DCHS2: variants seen among roughly 807,000 people sequenced by gnomAD.
DCHS2 encodes the protein protocadherin-23.
DCHS2 carries 142 observed loss-of-function variants against 182.4 expected under a neutral mutation model. That is an observed-to-expected ratio of 0.78 (90% CI 0.68 to 0.89). The LOEUF (loss-of-function observed/expected upper bound fraction) is 0.89, where lower values mean the gene tolerates loss of function less well. Among genes scored for constraint, DCHS2 ranks in the 40% least tolerant of loss-of-function variants. The pLI, the probability that DCHS2 is intolerant of heterozygous loss-of-function variation, is 0.00. For synonymous variants in DCHS2, 1,740 were observed against 1,663.3 expected (o/e 1.05, Z -1.12); for missense variants, 4,319 against 4,198.6 (o/e 1.03, Z -0.79).
chr4:154,315,976 T>C lies in DCHS2; in HGVS notation c.5032A>G (p.Thr1678Ala). 3 of 1,613,890 alleles carry C rather than the reference T, an allele frequency of 1.9e-6. No homozygotes were observed. The highest frequency in any genetic ancestry group is 2.7e-5 in the African/African-American group (2 of 75,052). ...ATTTCATAATCCAAAGGACAGGTTG[T>C]GGTTAGTAAGCCTGTTTTGAAAATG... ...MLDESSGLLTTTCPLDYEMKT... is the reference protein window; with the variant it reads ...MLDESSGLLTATCPLDYEMKT... Residue 1678 changes from threonine (T) to alanine (A), a missense_variant, in exon 10 of 20, where the codon ACA becomes GCA. Transcript: ENST00000357232.
chr4:154,356,105 G>C (rs975899740), intron 3 of DCHS2, among the ~76,000 whole-genome samples: 1 of 152,076 alleles, frequency 6.6e-6, no homozygotes, highest in Non-Finnish European at 1.5e-5. Flanking sequence ...TGGCTCTGAA[G>C]ACCTTCCAGC....
chr4:154,352,152 A>T (rs1729650344), intron 3 of DCHS2, among the ~76,000 whole-genome samples: 1 of 152,112 alleles, frequency 6.6e-6, no homozygotes, highest in Admixed American at 6.5e-5. Flanking sequence ...AAGGCTTATT[A>T]TTATTATCTG....
rs374018766 is a variant in DCHS2 at position 154,489,664 on chromosome 4, G to A, written c.1692C>T (p.Ser564=). Residue 564 remains serine (S), a synonymous_variant, in exon 1 of 20, where the codon TCC becomes TCT. Coordinates refer to ENST00000357232, the MANE Select transcript of DCHS2 (RefSeq NM_001358235.2). ...PGTVVMWVSA[S]DADEAGSDHA... Reference sequence around the variant, plus strand: ...GATCACTGCCTGCCTCGTCGGCATCGGAGGCGCTGACCCACATGACTACAG... The same window carrying A: ...GATCACTGCCTGCCTCGTCGGCATCAGAGGCGCTGACCCACATGACTACAG... The A allele has an allele frequency of 3.2e-5, 50 of 1,551,528 alleles. No homozygotes were observed. The highest frequency in any genetic ancestry group is 1.2e-5 in the South Asian group (1 of 84,058).
intron 19 of DCHS2, among the ~76,000 whole-genome samples, chr4:154,238,215 G>A (rs753983960): frequency 2.0e-5 from 3 of 152,052 alleles, no homozygotes; most frequent in East Asian, 1.9e-4. Flanking sequence ...TTCCTGATAC[G>A]TTTGTAATCA....
chr4:154,374,113 GTGC>G lies in DCHS2; in HGVS notation c.2244+3137_2244+3139del, dbSNP rs1456061218. On this transcript the variant is annotated intron_variant, in intron 2 of 19. Coordinates refer to ENST00000357232, the MANE Select transcript of DCHS2 (RefSeq NM_001358235.2). ...ATTCCCAATGCACTTCTGGAGCACT[GTGC>G]TTTCCAGGCTGTGGTGGTGCATTGA... The G allele has an allele frequency of 4.9e-6, 3 of 615,806 alleles. No individual in the cohort carries two copies. In the African/African-American group the frequency reaches 5.7e-5, roughly 12 times the overall value. 38.1% of individuals were successfully genotyped at this position (615,806 alleles called of 1,614,324 possible). A position where few individuals can be genotyped will look rare whatever the true frequency, so the allele number is the denominator to read the frequency against.
chr4:154,396,841 G>A lies in DCHS2; in HGVS notation c.2053-19397C>T, dbSNP rs138935627. Reference sequence around the variant, plus strand: ...CTCCCAAAACTCTTCCCAGATGCCCGCAGCTGAGGTAATCTTCCCTTCCTC... The same window carrying A: ...CTCCCAAAACTCTTCCCAGATGCCCACAGCTGAGGTAATCTTCCCTTCCTC... On this transcript the variant is annotated intron_variant, in intron 1 of 19. Coordinates refer to ENST00000357232, the MANE Select transcript of DCHS2 (RefSeq NM_001358235.2). Among the ~76,000 whole-genome samples, 10 of 152,226 alleles carry A rather than the reference G, an allele frequency of 6.6e-5. No individual in the cohort carries two copies. In the East Asian group the frequency reaches 1.5e-3, roughly 23 times the overall value.
At chr4:154,273,549 CTAAA>C (rs1733695061) in intron 13 of DCHS2, among the ~76,000 whole-genome samples, 1 of 151,910 alleles carries the variant, frequency 6.6e-6, no homozygotes, top group African/African-American at 2.4e-5. Flanking sequence ...GAAATCACCA[CTAAA>C]TAAGTTATTC....
At chr4:154,241,788 T>C (rs1731838569) in intron 17 of DCHS2, among the ~76,000 whole-genome samples, 2 of 152,154 alleles carry the variant, frequency 1.3e-5, no homozygotes, top group South Asian at 2.1e-4. Flanking sequence ...TGAAAATATA[T>C]CAAATATGCA....
At chr4:154,419,998 C>A (rs1357071307) in intron 1 of DCHS2, among the ~76,000 whole-genome samples, 2 of 151,976 alleles carry the variant, frequency 1.3e-5, no homozygotes, top group South Asian at 2.1e-4. Flanking sequence ...TAAGAACATC[C>A]TTTTTGGTAG....
chr4:154,309,974 G>T (rs1340781616), intron 10 of DCHS2, among the ~76,000 whole-genome samples: 1 of 152,164 alleles, frequency 6.6e-6, no homozygotes, highest in Non-Finnish European at 1.5e-5. Flanking sequence ...TCAAGTCATG[G>T]TTAGAAAGCT....
intron 5 of DCHS2, chr4:154,331,860 CT>C: frequency 1.3e-6 from 1 of 777,452 alleles, no homozygotes; most frequent in Non-Finnish European, 1.8e-6. Context: ...TCCCCGTAAA[CT>C]TATACAACAT....
intron 17 of DCHS2, among the ~76,000 whole-genome samples, chr4:154,242,430 T>A (rs1485126253): frequency 2.0e-5 from 3 of 152,144 alleles, no homozygotes; most frequent in African/African-American, 7.2e-5. Flanking sequence ...GGTTGGAGCA[T>A]GGGGACTTGC....
At position 154,396,693 on chromosome 4, in the gene DCHS2, T is replaced by C. The variant is rs1261263043; in HGVS notation, c.2053-19249A>G. On this transcript the variant is annotated intron_variant, in intron 1 of 19. Transcript: ENST00000357232. ...ATCCACTGTTTCACACACTCCTCACTCCAGTGTTTGCCTCATGGTGTTCTC... is the reference window on the plus strand; with the variant it reads ...ATCCACTGTTTCACACACTCCTCACCCCAGTGTTTGCCTCATGGTGTTCTC... Among the ~76,000 whole-genome samples, 10 of 152,290 alleles carry C rather than the reference T, an allele frequency of 6.6e-5. No homozygotes were observed. In the South Asian group the frequency reaches 2.1e-3, roughly 32 times the overall value.
chr4:154,432,182 T>A (rs1220154216), intron 1 of DCHS2, among the ~76,000 whole-genome samples: 1 of 152,224 alleles, frequency 6.6e-6, no homozygotes, highest in Non-Finnish European at 1.5e-5. Flanking sequence ...ATGTTAGCTA[T>A]TTTGTCTAAA....
intron 4 of DCHS2, 140 bp downstream of exon 4, chr4:154,334,728 C>A: frequency 1.5e-6 from 1 of 664,796 alleles, no homozygotes; most frequent in Non-Finnish European, 2.6e-6. Context: ...GAACAAAGAG[C>A]AAGCCACAGT....
At position 154,233,691 on chromosome 4, in the gene DCHS2, C is replaced by G. The variant is rs868301678; in HGVS notation, c.*845G>C. On this transcript the variant is annotated 3_prime_UTR_variant, in exon 20 of 20. Transcript: ENST00000357232. ...AACCTTTGAAGTTTAATGTCTTTAC[C>G]CACACCTACTTATAAGACAAGACCT... is the stretch of plus-strand genomic sequence containing the variant. The G allele has an allele frequency of 6.6e-6, 1 of 151,830 alleles. No individual in the cohort carries two copies. The allele number at this position is 151,830 out of a possible 1,614,324, so 9.4% of individuals were successfully genotyped here.
At chr4:154,319,895 T>C (rs894098877) in intron 9 of DCHS2, among the ~76,000 whole-genome samples, 5 of 152,188 alleles carry the variant, frequency 3.3e-5, no homozygotes, top group African/African-American at 9.7e-5. Context: ...CCATGTTTAC[T>C]GCAGCACCAT....
At chr4:154,245,095 A>C (rs1355988894) in intron 16 of DCHS2, among the ~76,000 whole-genome samples, 1 of 152,218 alleles carries the variant, frequency 6.6e-6, no homozygotes, top group Non-Finnish European at 1.5e-5. Context: ...GTTGTTTAGC[A>C]TCAAAATAAA....
At chr4:154,386,898 C>G (rs115278999) in intron 1 of DCHS2, among the ~76,000 whole-genome samples, 1 of 152,074 alleles carries the variant, frequency 6.6e-6, no homozygotes, top group Non-Finnish European at 1.5e-5. Flanking sequence ...TATCTATTAA[C>G]GAAGCTATAT....
Sources: allele counts gnomAD v4.1 joint callset (sites outside exome capture counted in the v4.1 genomes callset), GRCh38; gene constraint gnomAD v4.1.1; transcripts MANE v1.5; gene names NCBI Gene and HGNC (gene_info 2026-07-23, HGNC 2026-07-21).